SLC8A1: variants seen among roughly 807,000 people sequenced by gnomAD.
The protein encoded by SLC8A1 is sodium/calcium exchanger 1.
SLC8A1 carries 18 observed loss-of-function variants against 68.3 expected under a neutral mutation model. That is an observed-to-expected ratio of 0.26 (90% CI 0.18 to 0.39). SLC8A1 has a LOEUF of 0.39. Among genes scored for constraint, SLC8A1 ranks in the 10% least tolerant of loss-of-function variants. The probability of loss-of-function intolerance (pLI) is 1.00; values close to 1 mark genes in which losing one functional copy is unlikely to be tolerated. For missense variants in SLC8A1, 985 were observed against 1,156.7 expected (o/e 0.85, Z 2.15); for synonymous variants, 475 against 415.5 (o/e 1.14, Z -1.74).
intron 2 of SLC8A1, among the ~76,000 whole-genome samples, chr2:40,182,393 C>T (rs114644723): frequency 6.6e-6 from 1 of 152,148 alleles, no homozygotes; most frequent in Non-Finnish European, 1.5e-5. Context: ...TTTCTGGAAA[C>T]TAGCAAAGCA....
At chr2:40,441,189 A>G (rs1004233910) in intron 1 of SLC8A1, among the ~76,000 whole-genome samples, 13 of 152,144 alleles carry the variant, frequency 8.5e-5, no homozygotes, top group Admixed American at 2.6e-4. Flanking sequence ...TGCTATAAAA[A>G]GAATAAAATA....
intron 6 of SLC8A1, among the ~76,000 whole-genome samples, chr2:40,152,505 A>G (rs2148388110): frequency 6.6e-6 from 1 of 151,936 alleles, no homozygotes; most frequent in South Asian, 2.1e-4. Context: ...TCCAGGTTCA[A>G]GTGATTCTTG....
chr2:40,327,450 G>A (rs1004814109), intron 2 of SLC8A1, among the ~76,000 whole-genome samples: 15 of 152,156 alleles, frequency 9.9e-5, no homozygotes, highest in African/African-American at 2.9e-4. Flanking sequence ...AATACATGTT[G>A]CCAAATTTCG....
At chr2:40,297,693 C>T (rs1036930415) in intron 2 of SLC8A1, among the ~76,000 whole-genome samples, 4 of 152,120 alleles carry the variant, frequency 2.6e-5, no homozygotes, top group African/African-American at 7.2e-5. Context: ...GTTTACCATA[C>T]ATAACTTAGA....
At chr2:40,283,787 T>A (rs542130139) in intron 2 of SLC8A1, among the ~76,000 whole-genome samples, 3 of 152,084 alleles carry the variant, frequency 2.0e-5, no homozygotes, top group African/African-American at 7.2e-5. Flanking sequence ...TTCCTAACAA[T>A]AGACGCCGAA....
chr2:40,502,476 C>A (rs1706114228), intron 1 of SLC8A1, among the ~76,000 whole-genome samples: 1 of 152,044 alleles, frequency 6.6e-6, no homozygotes, highest in African/African-American at 2.4e-5. Context: ...GCAATAAATG[C>A]TTGTTGAGTG....
chr2:40,493,611 A>G (rs1042892624), intron 1 of SLC8A1, among the ~76,000 whole-genome samples: 3 of 150,198 alleles, frequency 2.0e-5, no homozygotes, highest in Non-Finnish European at 4.4e-5. Context: ...CCTAAACCAC[A>G]CTTCTCCCTC....
chr2:40,183,517 A>G (rs1291961488), intron 2 of SLC8A1, among the ~76,000 whole-genome samples: 1 of 152,220 alleles, frequency 6.6e-6, no homozygotes, highest in East Asian at 1.9e-4. Flanking sequence ...AGGACTCTGA[A>G]TAGTTTTAAC....
intron 2 of SLC8A1, among the ~76,000 whole-genome samples, chr2:40,179,800 A>C (rs181819992): frequency 1.6e-4 from 25 of 152,316 alleles, no homozygotes; most frequent in African/African-American, 6.0e-4. Context: ...CTTCTTTCCT[A>C]ATATGAAGGA....
rs1290860080 is a variant in SLC8A1, at chr2:40,174,926, C to A, written c.1913-84G>T. 26 of 1,307,442 alleles carry A rather than the reference C, an allele frequency of 2.0e-5. No homozygotes were observed. In the Admixed American group the frequency reaches 4.8e-4, roughly 24 times the overall value. The allele number at this position is 1,307,442 out of a possible 1,614,324, so 81.0% of individuals were successfully genotyped here. A position where few individuals can be genotyped will look rare whatever the true frequency, so the allele number is the denominator to read the frequency against. On this transcript the variant is annotated intron_variant, in intron 3 of 7. Coordinates refer to ENST00000406785, the Ensembl canonical transcript of SLC8A1. ...CAGTGACATCAGACTGCCTGACAAC[C>A]CACCCAAGGTACTTGCCAAATTATA...
At chr2:40,139,425 C>G (rs768981056) in exon 7 of SLC8A1, 1 of 1,613,974 alleles carries the variant, frequency 6.2e-7, no homozygotes, top group African/African-American at 1.3e-5. Flanking sequence ...CCAAGTGCGA[C>G]GAACACGACT....
At chr2:40,163,161 C>A (rs115340222) in intron 5 of SLC8A1, among the ~76,000 whole-genome samples, 1,525 of 152,220 alleles carry the variant, frequency 0.01, 4 homozygotes, top group Non-Finnish European at 0.014. Context: ...ACTTGGGGCA[C>A]TTTCAAATGG....
chr2:40,248,854 C>G (rs436010), intron 2 of SLC8A1, among the ~76,000 whole-genome samples: 1 of 151,952 alleles, frequency 6.6e-6, no homozygotes, highest in African/African-American at 2.4e-5. Flanking sequence ...TCTGGTTGGA[C>G]GGAGTTGTAT....
At chr2:40,471,467 C>T (rs1198335680) in intron 1 of SLC8A1, among the ~76,000 whole-genome samples, 1 of 152,140 alleles carries the variant, frequency 6.6e-6, no homozygotes, top group African/African-American at 2.4e-5. Context: ...ACTCTCATGG[C>T]ATTAGCACAC....
chr2:40,185,789 A>G (rs2050590306), intron 2 of SLC8A1, among the ~76,000 whole-genome samples: 1 of 152,238 alleles, frequency 6.6e-6, no homozygotes, highest in African/African-American at 2.4e-5. Flanking sequence ...ATTTAAAAAA[A>G]TAAGCTTTAG....
At chr2:40,347,787 G>C (rs1371036834) in intron 2 of SLC8A1, among the ~76,000 whole-genome samples, 4 of 152,158 alleles carry the variant, frequency 2.6e-5, no homozygotes, top group Non-Finnish European at 2.9e-5. Context: ...GAGATCTTTA[G>C]TGATTAATCC....
chr2:40,292,866 T>C (rs1475081827), intron 2 of SLC8A1, among the ~76,000 whole-genome samples: 1 of 152,144 alleles, frequency 6.6e-6, no homozygotes, highest in Non-Finnish European at 1.5e-5. Flanking sequence ...ACAACATCTA[T>C]TCCTTCATCT....
intron 2 of SLC8A1, among the ~76,000 whole-genome samples, chr2:40,364,739 G>A (rs1355954144): frequency 6.6e-6 from 1 of 152,024 alleles, no homozygotes; most frequent in Admixed American, 6.6e-5. Flanking sequence ...TCATTAAAGA[G>A]AAGCCTGCCC....
At chr2:40,433,923 C>T (rs1383843777) in intron 1 of SLC8A1, among the ~76,000 whole-genome samples, 1 of 152,090 alleles carries the variant, frequency 6.6e-6, no homozygotes, top group Non-Finnish European at 1.5e-5. Context: ...TTATCTTATG[C>T]ATTAGACTCA....
Sources: allele counts gnomAD v4.1 joint callset (sites outside exome capture counted in the v4.1 genomes callset), GRCh38; gene constraint gnomAD v4.1.1; transcripts MANE v1.5; gene names NCBI Gene and HGNC (gene_info 2026-07-23, HGNC 2026-07-21).